Variants in HTT observed in about 807,000 individuals in gnomAD.
The protein encoded by HTT is huntington disease protein.
HTT carries 104 observed loss-of-function variants against 362.3 expected under a neutral mutation model. The ratio of observed to expected loss-of-function variants is 0.29; its 90% CI spans 0.24 to 0.34. The LOEUF (loss-of-function observed/expected upper bound fraction) is 0.34. Among genes scored for constraint, HTT ranks in the 10% least tolerant of loss-of-function variants. The probability of loss-of-function intolerance (pLI) is 1.00; values close to 1 mark genes in which losing one functional copy is unlikely to be tolerated. For synonymous variants in HTT, 1,577 were observed against 1,548.7 expected, an observed-to-expected ratio of 1.02 and a Z score of -0.43; for missense variants, 3,301 against 3,928.6, an observed-to-expected ratio of 0.84 and a Z score of 4.27.
In HTT at chr4:3,173,030, C is replaced by T. The variant is rs1181317924; in HGVS notation, c.4065C>T (p.Tyr1355=). ...CCTCCAGTGTGAGGCCAGGCTTGTA[C>T]CACTACTGCTTCATGGCCCCGTACA... ...LGSSSVRPGL[Y]HYCFMAPYTH... is the part of the protein sequence containing the mutation. Residue 1355 remains tyrosine (Y), a synonymous_variant, in exon 31 of 67, where the codon TAC becomes TAT. Coordinates refer to ENST00000355072, the MANE Select transcript of HTT (RefSeq NM_001388492.1). 7 of 1,614,122 alleles carry T rather than the reference C, an allele frequency of 4.3e-6. No individual in the cohort carries two copies. The highest frequency in any genetic ancestry group is 1.7e-6 in the Non-Finnish European group (2 of 1,180,006).
intron 60 of HTT, among the ~76,000 whole-genome samples, chr4:3,231,705 C>G (rs534226084): frequency 1.3e-5 from 2 of 152,126 alleles, no homozygotes; most frequent in Non-Finnish European, 2.9e-5. Flanking sequence ...TCTCTCTTCA[C>G]GGCGAACACC....
At chr4:3,119,060 C>T (rs887682739) in intron 8 of HTT, among the ~76,000 whole-genome samples, 8 of 152,106 alleles carry the variant, frequency 5.3e-5, no homozygotes, top group East Asian at 3.9e-4. Context: ...GTGTGCTTTT[C>T]GAAAAAGGAA....
chr4:3,237,605 C>G (rs1287335061), intron 64 of HTT, among the ~76,000 whole-genome samples: 1 of 152,180 alleles, frequency 6.6e-6, no homozygotes, highest in African/African-American at 2.4e-5. Flanking sequence ...TCGCAGCTGA[C>G]CACAGATTTC....
intron 40 of HTT, among the ~76,000 whole-genome samples, chr4:3,190,128 G>A (rs755486617): frequency 6.6e-6 from 1 of 152,158 alleles, no homozygotes; most frequent in Non-Finnish European, 1.5e-5. Flanking sequence ...AGGATCACTT[G>A]AAGCCAGGAG....
At chr4:3,166,988 G>C (rs1217190990) in intron 29 of HTT, among the ~76,000 whole-genome samples, 1 of 152,240 alleles carries the variant, frequency 6.6e-6, no homozygotes, top group Non-Finnish European at 1.5e-5. Context: ...AGGTACCTCA[G>C]TTGGAAATGC....
At chr4:3,149,877 G>A (rs1716794079) in intron 26 of HTT, among the ~76,000 whole-genome samples, 1 of 152,140 alleles carries the variant, frequency 6.6e-6, no homozygotes, top group East Asian at 1.9e-4. Context: ...CCTGCTGGTG[G>A]TTTCTGTTGC....
intron 9 of HTT, 97 bp downstream of exon 9, chr4:3,121,529 A>T: frequency 1.3e-6 from 1 of 767,100 alleles, no homozygotes; most frequent in Non-Finnish European, 2.1e-6. Flanking sequence ...AGCAGTCTGC[A>T]TTCCATCTTC....
At chr4:3,133,185 G>A (rs2110190388) in intron 18 of HTT, among the ~76,000 whole-genome samples, 1 of 152,144 alleles carries the variant, frequency 6.6e-6, no homozygotes, top group East Asian at 1.9e-4. Context: ...ATCATTAAGT[G>A]TAAAGTCTGT....
chr4:3,229,748 C>A (rs1011698196), intron 59 of HTT, 139 bp from the exon 60 acceptor site: 3 of 908,824 alleles, frequency 3.3e-6, no homozygotes, highest in African/African-American at 1.6e-5. Context: ...ACACCACACA[C>A]ACACGCACAC....
rs1715968767 is a variant in HTT at position 3,134,478 on chromosome 4, G to A, written c.2571G>A (p.Arg857=). ...LQLIIDVLTL[R]NSSYWLVRTE... is the part of the protein sequence containing the mutation. Reference sequence around the variant, plus strand: ...TGATCATCGATGTGCTGACTCTGAGGAACAGTTCCTATTGGCTGGTGAGGA... The same window carrying A: ...TGATCATCGATGTGCTGACTCTGAGAAACAGTTCCTATTGGCTGGTGAGGA... The change falls in exon 19 of 67, where the codon AGG becomes AGA. Residue 857 remains arginine, a synonymous_variant. Transcript: ENST00000355072. 1 of 1,613,962 alleles carries A rather than the reference G, an allele frequency of 6.2e-7. No homozygotes were observed. The highest frequency in any genetic ancestry group is 1.1e-5 in the South Asian group (1 of 91,086).
intron 61 of HTT, 151 bp from the exon 62 acceptor site, chr4:3,235,133 G>T: frequency 3.3e-6 from 2 of 609,600 alleles, no homozygotes. Context: ...AGGCCAGGTT[G>T]CAGGGGCCTG....
chr4:3,217,155 C>G (rs1720444591), intron 51 of HTT, among the ~76,000 whole-genome samples: 1 of 152,136 alleles, frequency 6.6e-6, no homozygotes, highest in African/African-American at 2.4e-5. Flanking sequence ...TGGGTAATAG[C>G]CACGTAATAC....
chr4:3,115,483 T>C, intron 7 of HTT, 38 bp downstream of exon 7: 1 of 1,530,314 alleles, frequency 6.5e-7, no homozygotes, highest in South Asian at 1.1e-5. Flanking sequence ...GTCTCCAGCA[T>C]GTACTCAAGA....
intron 3 of HTT, among the ~76,000 whole-genome samples, chr4:3,103,288 G>C (rs1190514687): frequency 2.2e-5 from 3 of 138,852 alleles, no homozygotes; most frequent in African/African-American, 8.2e-5. Context: ...GCAATGGCGT[G>C]ATCTTGGCTC....
Position 3,220,305 on chromosome 4 carries a change from C to G in HTT, c.7366C>G (p.Leu2456Val). 1 of 1,613,150 alleles carries G rather than the reference C, an allele frequency of 6.2e-7. No homozygotes were observed. Among genetic ancestry groups the G allele is most frequent in the Non-Finnish European group, 8.5e-7 (1 of 1,179,090 alleles). Residue 2456 changes from leucine (L) to valine (V), a missense_variant, in exon 53 of 67, where the codon CTA becomes GTA. Physicochemically the swap from Leu to Val is conservative, Grantham distance 32. Around this residue, in one of 4 missense-constraint regions of HTT, gnomAD observed 753 missense variants for 1,021.3 expected, o/e 0.74. Coordinates refer to ENST00000355072, the MANE Select transcript of HTT (RefSeq NM_001388492.1). ...GGAGTTCATCTACCGCATCAACACACTAGGTACTCTTGGGGCCTCTCCTTC... is the reference window on the plus strand; with the variant it reads ...GGAGTTCATCTACCGCATCAACACAGTAGGTACTCTTGGGGCCTCTCCTTC... ...FKEFIYRINT[L>V]GWTSRTQFEE... is the part of the protein sequence containing the mutation.
chr4:3,113,864 C>A (rs1455203152), intron 6 of HTT, among the ~76,000 whole-genome samples: 2 of 151,916 alleles, frequency 1.3e-5, no homozygotes, highest in East Asian at 3.9e-4. Flanking sequence ...TGGCTGGGGT[C>A]TCATCCTGTG....
At chr4:3,115,659 CTGG>C (rs1423482167) in intron 7 of HTT, among the ~76,000 whole-genome samples, 1 of 152,162 alleles carries the variant, frequency 6.6e-6, no homozygotes, top group Non-Finnish European at 1.5e-5. Context: ...TGGGTGTGGG[CTGG>C]TGTGAGCCCT....
chr4:3,102,775 C>G (rs917409725), intron 3 of HTT, among the ~76,000 whole-genome samples: 1 of 152,262 alleles, frequency 6.6e-6, no homozygotes, highest in Admixed American at 6.5e-5. Context: ...AAAGTCTTCC[C>G]TGTCCCATCC....
chr4:3,231,762 C>T (rs996909931), intron 60 of HTT, among the ~76,000 whole-genome samples: 7 of 152,154 alleles, frequency 4.6e-5, no homozygotes, highest in Non-Finnish European at 1.5e-5. Flanking sequence ...TGGAAGGGGT[C>T]CTTCTCCTTT....
Sources: allele counts gnomAD v4.1 joint callset (sites outside exome capture counted in the v4.1 genomes callset), GRCh38; gene constraint gnomAD v4.1.1; regional missense constraint gnomAD v4.1.1; transcripts MANE v1.5; gene names NCBI Gene and HGNC (gene_info 2026-07-23, HGNC 2026-07-21).